CCDC88A: variants seen among roughly 807,000 people sequenced by gnomAD.
The protein encoded by CCDC88A is coiled-coil and HOOK domain protein 88A.
A neutral mutation model predicts 234.3 loss-of-function variants in CCDC88A; 54 were observed. The ratio of observed to expected loss-of-function variants is 0.23; its 90% CI spans 0.19 to 0.29. The LOEUF is 0.29. Among genes scored for constraint, CCDC88A ranks in the 10% least tolerant of loss-of-function variants. The probability of loss-of-function intolerance (pLI) is 1.00; values close to 1 mark genes in which losing one functional copy is unlikely to be tolerated. For missense variants in CCDC88A, 1,832 were observed against 2,123.4 expected (o/e 0.86, Z 2.70); for synonymous variants, 753 against 737.8 (o/e 1.02, Z -0.33).
chr2:55,366,167 T>G (rs1671915961), intron 5 of CCDC88A, among the ~76,000 whole-genome samples: 1 of 152,182 alleles, frequency 6.6e-6, no homozygotes, highest in African/African-American at 2.4e-5. Flanking sequence ...TAAAATTAAT[T>G]TTTTAACTCT....
At chr2:55,341,393 C>T (rs1668474204) in intron 12 of CCDC88A, among the ~76,000 whole-genome samples, 1 of 151,190 alleles carries the variant, frequency 6.6e-6, no homozygotes. Context: ...CCGCCTCGGC[C>T]TCCCAGAGTG....
chr2:55,409,116 C>T (rs917359067), intron 2 of CCDC88A, among the ~76,000 whole-genome samples: 1 of 152,168 alleles, frequency 6.6e-6, no homozygotes, highest in Non-Finnish European at 1.5e-5. Flanking sequence ...CTCAAATAAG[C>T]CATCAACCCT....
intron 2 of CCDC88A, among the ~76,000 whole-genome samples, chr2:55,415,723 A>T (rs1341343664): frequency 6.6e-6 from 1 of 152,190 alleles, no homozygotes; most frequent in African/African-American, 2.4e-5. Context: ...GAAACTACCC[A>T]AAGATAGTGA....
At chr2:55,390,579 A>G (rs1676483277) in intron 2 of CCDC88A, among the ~76,000 whole-genome samples, 1 of 152,232 alleles carries the variant, frequency 6.6e-6, no homozygotes, top group South Asian at 2.1e-4. Context: ...TCTTGCCATA[A>G]AAAACTAGAA....
chr2:55,406,860 T>C (rs1004376288), intron 2 of CCDC88A, among the ~76,000 whole-genome samples: 1 of 152,208 alleles, frequency 6.6e-6, no homozygotes. Context: ...ACAGTTATGT[T>C]ATCGATGATA....
chr2:55,337,958 CT>C (rs1474576542), intron 13 of CCDC88A, among the ~76,000 whole-genome samples: 2 of 152,248 alleles, frequency 1.3e-5, no homozygotes, highest in African/African-American at 4.8e-5. Flanking sequence ...AAGCTTTCAG[CT>C]GTGAATAATT....
chr2:55,317,614 C>T lies in CCDC88A; in HGVS notation c.3552G>A (p.Leu1184=). The part of the protein sequence containing the change: ...YESLISKHGT[L]KSAHKNLEVE... ...CCTCAAGATTTTTGTGGGCAGACTT[C>T]AGAGTTCCATGTTTAGAGATAAGAG... Residue 1184 remains leucine (L), a synonymous_variant, in exon 20 of 33, where the codon CTG becomes CTA. Coordinates refer to ENST00000436346, the MANE Select transcript of CCDC88A (RefSeq NM_001365480.1). This position sits in a 1 kb window ranked among gnomAD's most constrained non-coding sequence, Gnocchi z 4.2. 1 of 1,603,876 alleles carries T rather than the reference C, an allele frequency of 6.2e-7. No individual in the cohort carries two copies. The highest frequency in any genetic ancestry group is 2.2e-5 in the East Asian group (1 of 44,666).
intron 17 of CCDC88A, among the ~76,000 whole-genome samples, chr2:55,325,851 A>C (rs187987329): frequency 6.6e-6 from 1 of 152,234 alleles, no homozygotes; most frequent in Non-Finnish European, 1.5e-5. Flanking sequence ...TGCTGGAATG[A>C]CCCCTTTATA....
chr2:55,370,667 A>AGG (rs1672705828), intron 5 of CCDC88A, among the ~76,000 whole-genome samples: 1 of 131,730 alleles, frequency 7.6e-6, no homozygotes, highest in Non-Finnish European at 1.6e-5. Context: ...AAAAAAAAAA[A>AGG]GAGAATTAAC....
intron 2 of CCDC88A, among the ~76,000 whole-genome samples, chr2:55,400,376 A>G (rs930131753): frequency 7.9e-5 from 12 of 152,216 alleles, no homozygotes; most frequent in African/African-American, 2.9e-4. Context: ...CTTCTTTATA[A>G]GATGAAAACT....
Position 55,362,464 on chromosome 2 carries a change from CA to C in CCDC88A, c.487-17del. 6.3e-7 allele frequency: 1 copy of C among 1,588,702 alleles called. No homozygotes were observed. ...TATGAGTTACCTTTAGAAAAGTGAC[CA>C]AAATAAACAACCAAAAAAGTGGCTA... On this transcript the variant is annotated splice_polypyrimidine_tract_variant and intron_variant, in intron 6 of 32. Coordinates refer to ENST00000436346, the MANE Select transcript of CCDC88A (RefSeq NM_001365480.1).
At chr2:55,331,703 G>T (rs938544865) in intron 16 of CCDC88A, 2 of 152,104 alleles carry the variant, frequency 1.3e-5, no homozygotes, top group African/African-American at 2.4e-5. Flanking sequence ...TACCATGAGA[G>T]AATACATATT....
chr2:55,332,724 A>G lies in CCDC88A; in HGVS notation c.2728-31T>C. 5 of 1,607,848 alleles carry G rather than the reference A, an allele frequency of 3.1e-6. No homozygotes were observed. The highest frequency in any genetic ancestry group is 3.4e-6 in the Non-Finnish European group (4 of 1,176,068). Reference sequence around the variant, plus strand: ...TTTAAAAGAAATGCAAAACTCACCTAAGTGTCAAGGGTATAAACATCTAAG... The same window carrying G: ...TTTAAAAGAAATGCAAAACTCACCTGAGTGTCAAGGGTATAAACATCTAAG... On this transcript the variant is annotated intron_variant, in intron 15 of 32. Coordinates refer to ENST00000436346, the MANE Select transcript of CCDC88A (RefSeq NM_001365480.1). The surrounding 1 kb of genome is among the most constrained non-coding windows in gnomAD (Gnocchi z 4.5).
At position 55,362,294 on chromosome 2, in the gene CCDC88A, A is replaced by G; in HGVS notation, c.627+14T>C. 6.4e-7 allele frequency: 1 copy of G among 1,552,630 alleles called. No homozygotes were observed. Among genetic ancestry groups the G allele is most frequent in the Non-Finnish European group, 8.6e-7 (1 of 1,156,596 alleles). On this transcript the variant is annotated intron_variant, in intron 7 of 32. Transcript: ENST00000436346. Reference sequence around the variant, plus strand: ...AAGCAAACTTTCACAATATACTGAAAGAATTTTACAAACCTCTGAATGTTC... The same window carrying G: ...AAGCAAACTTTCACAATATACTGAAGGAATTTTACAAACCTCTGAATGTTC...
Position 55,332,551 on chromosome 2 carries a change from A to G in CCDC88A, c.2855+15T>C, listed in dbSNP as rs1188918242. On this transcript the variant is annotated intron_variant, in intron 16 of 32. Coordinates refer to ENST00000436346, the MANE Select transcript of CCDC88A (RefSeq NM_001365480.1). This position sits in a 1 kb window ranked among gnomAD's most constrained non-coding sequence, Gnocchi z 4.5. ...AAAAATTTTCAACTGTTTGCCAAGTAGACTTAGTACTCACCTGTCATCAGT... is the reference window on the plus strand; with the variant it reads ...AAAAATTTTCAACTGTTTGCCAAGTGGACTTAGTACTCACCTGTCATCAGT... 1.3e-6 allele frequency: 2 copies of G among 1,590,598 alleles called. No homozygotes were observed. Among genetic ancestry groups the G allele is most frequent in the Admixed American group, 3.6e-5 (2 of 55,058 alleles).
chr2:55,414,926 G>C (rs1461681876), intron 2 of CCDC88A, among the ~76,000 whole-genome samples: 2 of 151,934 alleles, frequency 1.3e-5, no homozygotes, highest in Non-Finnish European at 2.9e-5. Context: ...AATTAGCCAG[G>C]CGTGGTGGTG....
Position 55,366,576 on chromosome 2 carries a change from CAA to C in CCDC88A, c.403-2545_403-2544del, listed in dbSNP as rs1020896853. 4.6e-4 allele frequency among the ~76,000 whole-genome samples: 64 copies of C among 139,664 alleles called. 1 individual carries two copies. In the South Asian group the frequency reaches 0.012, roughly 26 times the overall value. 91.6% of individuals were successfully genotyped at this position (139,664 alleles called of 152,430 possible). On this transcript the variant is annotated intron_variant, in intron 5 of 32. Transcript: ENST00000436346. The stretch of plus-strand genomic sequence containing the variant: ...ACACACACACACACACACACACACA[CAA>C]GATATGATGTGGAAACTTGGACATA...
intron 2 of CCDC88A, chr2:55,403,930 T>C (rs1199990279): frequency 2.0e-5 from 3 of 152,246 alleles, no homozygotes; most frequent in African/African-American, 7.2e-5. Flanking sequence ...TTTGTTTTAA[T>C]CAGTATTCTG....
intron 31 of CCDC88A, chr2:55,294,483 T>C: frequency 3.4e-6 from 3 of 883,378 alleles, no homozygotes; most frequent in Non-Finnish European, 4.1e-6. Flanking sequence ...TTATATAAAG[T>C]GTTGAATTAT....
Sources: allele counts gnomAD v4.1 joint callset (sites outside exome capture counted in the v4.1 genomes callset), GRCh38; gene constraint gnomAD v4.1.1; non-coding constraint Gnocchi (gnomAD v3.1); transcripts MANE v1.5; gene names NCBI Gene and HGNC (gene_info 2026-07-23, HGNC 2026-07-21).